MYMX: variants seen among roughly 807,000 people sequenced by gnomAD.
The protein encoded by MYMX is protein myomixer.
At chr6:44,195,130 T>C in the MYMX span, among the ~76,000 whole-genome samples, 5 of 152,122 alleles carry the variant, frequency 3.3e-5, no homozygotes, top group African/African-American at 1.2e-4. Context: ...GCAATTCTCC[T>C]GCCTCAGCCT....
At chr6:44,211,100 C>CTAAA in the MYMX span, among the ~76,000 whole-genome samples, 5 of 152,222 alleles carry the variant, frequency 3.3e-5, no homozygotes, top group African/African-American at 9.6e-5. Flanking sequence ...AAGACTCTGT[C>CTAAA]TAAATAAATA....
chr6:44,203,281 G>C, the MYMX span, among the ~76,000 whole-genome samples: 41 of 152,288 alleles, frequency 2.7e-4, no homozygotes, highest in African/African-American at 9.9e-4. Flanking sequence ...GCAAACCTGG[G>C]TTTGGATCCT....
At chr6:44,208,877 C>T in the MYMX span, among the ~76,000 whole-genome samples, 1 of 152,238 alleles carries the variant, frequency 6.6e-6, no homozygotes, top group Non-Finnish European at 1.5e-5. Flanking sequence ...AGCACCTCTT[C>T]TACACAGTGG....
At chr6:44,197,404 A>G in the MYMX span, among the ~76,000 whole-genome samples, 1 of 152,148 alleles carries the variant, frequency 6.6e-6, no homozygotes, top group East Asian at 1.9e-4. Context: ...GTGGTGGCAG[A>G]CGCCTGTAAT....
upstream of MYMX, among the ~76,000 whole-genome samples, chr6:44,216,656 A>G (rs1392578647): frequency 1.5e-5 from 2 of 136,322 alleles, no homozygotes; most frequent in Non-Finnish European, 3.1e-5. Context: ...CTGTCTCAAA[A>G]AAAAAAAAAA....
the MYMX span, among the ~76,000 whole-genome samples, chr6:44,200,348 T>C: frequency 6.6e-6 from 1 of 152,098 alleles, no homozygotes; most frequent in African/African-American, 2.4e-5. Flanking sequence ...AGAGTCTTGC[T>C]CTGTCACCCA....
the MYMX span, among the ~76,000 whole-genome samples, chr6:44,197,904 A>G: frequency 6.6e-6 from 1 of 151,930 alleles, no homozygotes; most frequent in Non-Finnish European, 1.5e-5. Context: ...TTATAAAAGT[A>G]TGTTACTTGT....
At chr6:44,193,161 G>A in the MYMX span, among the ~76,000 whole-genome samples, 1 of 152,140 alleles carries the variant, frequency 6.6e-6, no homozygotes, top group Admixed American at 6.6e-5. Context: ...AAAATTATAA[G>A]GGCCAATTGA....
At chr6:44,211,528 T>C in the MYMX span, among the ~76,000 whole-genome samples, 1 of 152,132 alleles carries the variant, frequency 6.6e-6, no homozygotes, top group East Asian at 1.9e-4. Context: ...GAGAAATAAT[T>C]CTGGTGTTCT....
intron 1 of MYMX, 63 bp downstream of exon 1, chr6:44,217,031 G>A (rs1775911710): frequency 6.5e-6 from 1 of 152,824 alleles, no homozygotes; most frequent in African/African-American, 2.5e-5. Flanking sequence ...TCAGGTCAGG[G>A]TGGATCAGGA....
chr6:44,196,134 G>A, the MYMX span, among the ~76,000 whole-genome samples: 1 of 152,026 alleles, frequency 6.6e-6, no homozygotes. Context: ...GTAGAGACAG[G>A]GTTTCACTAT....
At chr6:44,204,509 T>A in the MYMX span, among the ~76,000 whole-genome samples, 1 of 152,170 alleles carries the variant, frequency 6.6e-6, no homozygotes, top group South Asian at 2.1e-4. Flanking sequence ...GCTGGTTATT[T>A]TAAGAAACTG....
chr6:44,216,702 T>G (rs551919137), upstream of MYMX, among the ~76,000 whole-genome samples: 41 of 149,798 alleles, frequency 2.7e-4, no homozygotes, highest in African/African-American at 9.8e-4. Flanking sequence ...GAAAGTGCAG[T>G]CTGGGTTCCA....
the MYMX span, among the ~76,000 whole-genome samples, chr6:44,196,176 G>A: frequency 2.0e-5 from 3 of 151,902 alleles, no homozygotes; most frequent in Non-Finnish European, 4.4e-5. Context: ...CTCCTGCCTC[G>A]GCCTCTCAAA....
chr6:44,195,352 C>T, the MYMX span, among the ~76,000 whole-genome samples: 1 of 152,136 alleles, frequency 6.6e-6, no homozygotes, highest in Non-Finnish European at 1.5e-5. Flanking sequence ...TAACACATTA[C>T]TGAAACAGCT....
chr6:44,215,726 C>A (rs1023365888), upstream of MYMX, among the ~76,000 whole-genome samples: 161 of 152,224 alleles, frequency 1.1e-3, 1 homozygote, highest in African/African-American at 3.8e-3. Context: ...GAAACCCCAC[C>A]TCTACTAAAA....
chr6:44,215,279 T>A (rs1775799309), upstream of MYMX, among the ~76,000 whole-genome samples: 1 of 152,240 alleles, frequency 6.6e-6, no homozygotes, highest in Admixed American at 6.5e-5. Flanking sequence ...GAAGTATTTA[T>A]AAAACCAAAT....
chr6:44,203,399 A>G, the MYMX span, among the ~76,000 whole-genome samples: 1 of 152,206 alleles, frequency 6.6e-6, no homozygotes, highest in East Asian at 1.9e-4. Context: ...TAAGCCTGGG[A>G]AAAAGAGACA....
chr6:44,213,657 T>C (rs1222026925), upstream of MYMX, among the ~76,000 whole-genome samples: 1 of 152,158 alleles, frequency 6.6e-6, no homozygotes, highest in Non-Finnish European at 1.5e-5. Context: ...TGACCTCAGG[T>C]GATCTGCCCG....
Sources: allele counts gnomAD v4.1 joint callset (sites outside exome capture counted in the v4.1 genomes callset), GRCh38; gene constraint gnomAD v4.1.1; transcripts MANE v1.5; gene names NCBI Gene and HGNC (gene_info 2026-07-23, HGNC 2026-07-21).